The following KYNU variants were observed in gnomAD, a reference collection of about 807,000 sequenced individuals.
The protein encoded by KYNU is L-kynurenine hydrolase.
KYNU carries 54 observed loss-of-function variants against 59.2 expected under a neutral mutation model. The observed-to-expected ratio is 0.91, with a 90% CI of 0.73 to 1.14. The LOEUF (loss-of-function observed/expected upper bound fraction) is 1.14, where lower values mean the gene tolerates loss of function less well. KYNU is among the 50% of genes most tolerant of loss of function. The pLI is 0.00. For missense variants in KYNU, 567 were observed against 554.4 expected (o/e 1.02, Z -0.23); for synonymous variants, 177 against 192.0 (o/e 0.92, Z 0.65).
At chr2:142,904,708 G>C (rs1026475458) in intron 2 of KYNU, among the ~76,000 whole-genome samples, 2 of 152,124 alleles carry the variant, frequency 1.3e-5, no homozygotes, top group East Asian at 1.9e-4. Context: ...TTTTGCCTTG[G>C]GGGGAATGTT....
At chr2:142,919,503 T>G (rs1041975037) in intron 3 of KYNU, among the ~76,000 whole-genome samples, 1 of 152,232 alleles carries the variant, frequency 6.6e-6, no homozygotes, top group Non-Finnish European at 1.5e-5. Flanking sequence ...TAGGAAAACG[T>G]TTCAGAAAGA....
At chr2:142,963,827 C>T (rs2105106213) in intron 8 of KYNU, among the ~76,000 whole-genome samples, 1 of 152,160 alleles carries the variant, frequency 6.6e-6, no homozygotes, top group South Asian at 2.1e-4. Context: ...TATTCCTTAC[C>T]TGAAATACTT....
intron 4 of KYNU, among the ~76,000 whole-genome samples, chr2:142,945,128 A>G (rs1252792058): frequency 1.3e-5 from 2 of 152,206 alleles, no homozygotes; most frequent in Non-Finnish European, 2.9e-5. Context: ...TGGCTGTGGC[A>G]ATTTCTTAAA....
chr2:142,900,708 C>G (rs1047750664), intron 2 of KYNU, among the ~76,000 whole-genome samples: 1 of 152,128 alleles, frequency 6.6e-6, no homozygotes, highest in East Asian at 1.9e-4. Context: ...ACAGGAAAAC[C>G]CAAGTGCTGT....
intron 2 of KYNU, among the ~76,000 whole-genome samples, chr2:142,894,520 A>G (rs1681806695): frequency 6.6e-6 from 1 of 152,194 alleles, no homozygotes; most frequent in African/African-American, 2.4e-5. Context: ...TCTGTGTAAC[A>G]AGATCCTAGA....
At chr2:143,013,298 CTGTGTGTGTG>C (rs71301735) in intron 10 of KYNU, among the ~76,000 whole-genome samples, 1 of 149,468 alleles carries the variant, frequency 6.7e-6, no homozygotes, top group Admixed American at 6.7e-5. Context: ...GTCTCTTTCT[CTGTGTGTGTG>C]TGTGTGTGTG....
chr2:142,975,106 T>C (rs1028232416), intron 8 of KYNU, among the ~76,000 whole-genome samples: 2 of 152,128 alleles, frequency 1.3e-5, no homozygotes, highest in Non-Finnish European at 1.5e-5. Context: ...CAGTTATCCC[T>C]GTTTTCCTGC....
At chr2:143,026,381 T>C (rs1012004791) in intron 10 of KYNU, among the ~76,000 whole-genome samples, 2 of 152,246 alleles carry the variant, frequency 1.3e-5, no homozygotes, top group African/African-American at 4.8e-5. Flanking sequence ...GCAGGATATT[T>C]CCCTGACCCC....
chr2:142,886,142 G>A (rs1342939369), intron 2 of KYNU, among the ~76,000 whole-genome samples: 1 of 152,002 alleles, frequency 6.6e-6, no homozygotes, highest in African/African-American at 2.4e-5. Flanking sequence ...AACATAAGTA[G>A]CAAAGGTATA....
intron 2 of KYNU, among the ~76,000 whole-genome samples, chr2:142,897,527 G>GT (rs1406721859): frequency 1.4e-4 from 21 of 152,078 alleles, no homozygotes; most frequent in African/African-American, 4.6e-4. Context: ...ATTTTTCTTG[G>GT]TAATACCAGA....
intron 8 of KYNU, among the ~76,000 whole-genome samples, chr2:142,963,285 C>T (rs73964468): frequency 0.018 from 2,669 of 152,246 alleles, 93 homozygotes; most frequent in African/African-American, 0.061. Flanking sequence ...AATCCTCAAT[C>T]GTGTCTTCTT....
At chr2:143,012,075 A>AG (rs1365248881) in intron 10 of KYNU, among the ~76,000 whole-genome samples, 2 of 151,912 alleles carry the variant, frequency 1.3e-5, no homozygotes, top group African/African-American at 2.4e-5. Flanking sequence ...AAAAAAAAAA[A>AG]AAAGAAAATA....
chr2:142,920,809 A>C (rs774667600), intron 3 of KYNU, among the ~76,000 whole-genome samples: 1 of 152,176 alleles, frequency 6.6e-6, no homozygotes, highest in Non-Finnish European at 1.5e-5. Flanking sequence ...GACTCAGTCA[A>C]CATCATGGAC....
chr2:142,909,815 C>A (rs1682420121), intron 2 of KYNU, among the ~76,000 whole-genome samples: 1 of 152,108 alleles, frequency 6.6e-6, no homozygotes, highest in Non-Finnish European at 1.5e-5. Context: ...TAGGTATATA[C>A]TTGGTAATGG....
At chr2:143,018,444 G>C (rs770055009) in intron 10 of KYNU, among the ~76,000 whole-genome samples, 2 of 151,756 alleles carry the variant, frequency 1.3e-5, no homozygotes, top group African/African-American at 4.8e-5. Flanking sequence ...AAGATCAGAT[G>C]GCTGTTATGC....
intron 1 of KYNU, among the ~76,000 whole-genome samples, chr2:142,884,819 G>C (rs1028563319): frequency 6.8e-6 from 1 of 147,464 alleles, no homozygotes; most frequent in Non-Finnish European, 1.5e-5. Flanking sequence ...CGATTCTCCT[G>C]CCTCAGCCTC....
intron 4 of KYNU, among the ~76,000 whole-genome samples, chr2:142,952,851 A>G (rs972109535): frequency 1.3e-5 from 2 of 152,004 alleles, no homozygotes; most frequent in Non-Finnish European, 2.9e-5. Flanking sequence ...TATTCTTTAA[A>G]ATGCTTCTCT....
chr2:142,933,054 T>C (rs1683279118), intron 4 of KYNU, among the ~76,000 whole-genome samples: 1 of 152,148 alleles, frequency 6.6e-6, no homozygotes, highest in South Asian at 2.1e-4. Flanking sequence ...ACTAGTACAC[T>C]GCAGTGAGTT....
intron 4 of KYNU, chr2:142,947,755 T>A (rs1683843406): frequency 6.5e-6 from 1 of 152,904 alleles, no homozygotes; most frequent in Non-Finnish European, 1.5e-5. Context: ...TGTGCTATAA[T>A]TATATGTAAG....
Sources: gnomAD v4.1 joint callset for allele counts (sites outside exome capture counted in the v4.1 genomes callset) on GRCh38, gnomAD v4.1.1 for gene constraint, MANE v1.5 for transcripts, NCBI Gene and HGNC (gene_info 2026-07-23, HGNC 2026-07-21) for gene names.